FAT4: variants seen among roughly 807,000 people sequenced by gnomAD.
FAT4 encodes protocadherin Fat 4.
In FAT4, 84 loss-of-function variants were observed where a neutral mutation model predicts 303.9. The observed-to-expected ratio is 0.28, with a 90% CI of 0.23 to 0.33. FAT4 has a LOEUF of 0.33. Among genes scored for constraint, FAT4 ranks in the 10% least tolerant of loss-of-function variants. The pLI, the probability that FAT4 is intolerant of heterozygous loss-of-function variation, is 1.00. For missense variants in FAT4, 6,005 were observed against 6,146.8 expected, an observed-to-expected ratio of 0.98 and a Z score of 0.77; for synonymous variants, 2,307 against 2,298.8, an observed-to-expected ratio of 1.00 and a Z score of -0.10.
Position 125,406,996 on chromosome 4 carries a change from C to G in FAT4, c.5424C>G (p.Ser1808=), listed in dbSNP as rs200354953. Residue 1808 remains serine (S), a synonymous_variant, in exon 4 of 18, where the codon TCC becomes TCG. Coordinates refer to ENST00000394329, the MANE Select transcript of FAT4 (RefSeq NM_001291303.3). ...ATRRLDRERR[S]KYSLLVRADD... is the part of the protein sequence containing the mutation. ...GGCGGTTGGACAGGGAACGCCGCTC[C>G]AAATATTCACTGCTAGTTCGTGCTG... The G allele has an allele frequency of 1.3e-5, 21 of 1,613,818 alleles. No homozygotes were observed. The Admixed American group carries it at 1.3e-4, about 10-fold the overall frequency.
At chr4:125,381,815 A>C (rs1178789313) in intron 2 of FAT4, among the ~76,000 whole-genome samples, 4 of 152,210 alleles carry the variant, frequency 2.6e-5, no homozygotes, top group East Asian at 3.8e-4. Flanking sequence ...AACTGGAGTC[A>C]ATCCTCTCAA....
In FAT4 at chr4:125,319,867, T is replaced by C. The variant is rs1304008968; in HGVS notation, c.3456T>C (p.Ser1152=). 1.2e-6 allele frequency: 2 copies of C among 1,614,112 alleles called. No homozygotes were observed. Among genetic ancestry groups the C allele is most frequent in the Admixed American group, 1.7e-5 (1 of 60,024 alleles). The change falls in exon 2 of 18, where the codon AGT becomes AGC. Residue 1152 remains serine (S), a synonymous_variant. Coordinates refer to ENST00000394329, the MANE Select transcript of FAT4 (RefSeq NM_001291303.3). ...CAGATTTTGAGTTGCATGCCATCAG[T>C]GGGGAAATTACAAATACTCATCAGT... ...VQPDFELHAI[S]GEITNTHQFD...
At chr4:125,438,579 A>G (rs1225893962) in intron 8 of FAT4, among the ~76,000 whole-genome samples, 9 of 152,222 alleles carry the variant, frequency 5.9e-5, no homozygotes, top group Non-Finnish European at 1.0e-4. Flanking sequence ...ACTATCATAT[A>G]TTCAGTTAAA....
At chr4:125,462,253 T>C (rs1726509298) in intron 10 of FAT4, among the ~76,000 whole-genome samples, 1 of 151,930 alleles carries the variant, frequency 6.6e-6, no homozygotes, top group Non-Finnish European at 1.5e-5. Context: ...AAATTTTGAC[T>C]GTGTTTTAAG....
intron 5 of FAT4, among the ~76,000 whole-genome samples, chr4:125,409,411 C>T (rs926673793): frequency 1.3e-5 from 2 of 152,074 alleles, no homozygotes; most frequent in African/African-American, 4.8e-5. Flanking sequence ...CATGCACCAC[C>T]ACGCCTGGCT....
Position 125,415,698 on chromosome 4 carries a change from C to T in FAT4, c.6735C>T (p.Val2245=), listed in dbSNP as rs1225223501. The change falls in exon 6 of 18, where the codon GTC becomes GTT. Residue 2245 remains valine (V), a synonymous_variant. Transcript: ENST00000394329. Reference sequence around the variant, plus strand: ...CACCCAGAACTGATACCTCCACGGTCAGCATTGTTCTACTGGATATTAATG... The same window carrying T: ...CACCCAGAACTGATACCTCCACGGTTAGCATTGTTCTACTGGATATTAATG... ...GSTPRTDTST[V]SIVLLDINDF... 1 of 1,613,982 alleles carries T rather than the reference C, an allele frequency of 6.2e-7. No homozygotes were observed. The highest frequency in any genetic ancestry group is 2.2e-5 in the East Asian group (1 of 44,856).
At chr4:125,393,985 C>T in intron 2 of FAT4, 1 of 780,222 alleles carries the variant, frequency 1.3e-6, no homozygotes, top group East Asian at 2.4e-5. Flanking sequence ...CAACCATTAG[C>T]TGCAGCTGAA....
chr4:125,426,244 G>A (rs1725082571), intron 7 of FAT4, among the ~76,000 whole-genome samples: 2 of 151,888 alleles, frequency 1.3e-5, no homozygotes, highest in South Asian at 4.1e-4. Context: ...ATTATTTGTG[G>A]GAATGTATGA....
At chr4:125,357,247 A>G (rs1311775592) in intron 2 of FAT4, among the ~76,000 whole-genome samples, 1 of 152,116 alleles carries the variant, frequency 6.6e-6, no homozygotes, top group Non-Finnish European at 1.5e-5. Flanking sequence ...TAAAATGATA[A>G]ATACATTTTT....
chr4:125,470,917 G>C (rs973755833), intron 12 of FAT4, among the ~76,000 whole-genome samples: 1 of 152,148 alleles, frequency 6.6e-6, no homozygotes, highest in Non-Finnish European at 1.5e-5. Flanking sequence ...CTTGACTTTC[G>C]AAATGCCTTC....
At chr4:125,354,315 T>C (rs191124338) in intron 2 of FAT4, among the ~76,000 whole-genome samples, 4 of 151,930 alleles carry the variant, frequency 2.6e-5, no homozygotes, top group African/African-American at 9.6e-5. Context: ...CAACATGTAC[T>C]TTATTTGCTT....
Position 125,446,384 on chromosome 4 carries a change from G to A in FAT4, c.7291G>A (p.Asp2431Asn). The A allele has an allele frequency of 1.9e-6, 3 of 1,613,486 alleles. No homozygotes were observed. In the South Asian group the frequency reaches 3.3e-5, roughly 18 times the overall value. ...CGCATTGTTAGATAGGGAAACAAAA[G>A]ATAATTATACTTTGGTAGTGGTCTG... ...TSALLDRETK[D>N]NYTLVVVCSD... The change falls in exon 9 of 18, where the codon GAT becomes AAT. Residue 2431 changes from aspartate to asparagine, a missense_variant. Coordinates refer to ENST00000394329, the MANE Select transcript of FAT4 (RefSeq NM_001291303.3).
chr4:125,443,092 A>G (rs894935164), intron 8 of FAT4, among the ~76,000 whole-genome samples: 2 of 152,142 alleles, frequency 1.3e-5, no homozygotes, highest in African/African-American at 4.8e-5. Context: ...TCTCTTAACT[A>G]AATGATCATA....
intron 10 of FAT4, among the ~76,000 whole-genome samples, chr4:125,462,968 G>C (rs1726531703): frequency 6.6e-6 from 1 of 151,862 alleles, no homozygotes; most frequent in African/African-American, 2.4e-5. Context: ...ATGCTGTTTA[G>C]GTATTATCGC....
chr4:125,442,231 C>A, intron 8 of FAT4, among the ~76,000 whole-genome samples: 1 of 152,094 alleles, frequency 6.6e-6, no homozygotes, highest in East Asian at 1.9e-4. Flanking sequence ...TTATTTTAAT[C>A]ATTCCAGTCA....
chr4:125,414,209 C>T (rs1413037884), intron 5 of FAT4, among the ~76,000 whole-genome samples: 1 of 151,928 alleles, frequency 6.6e-6, no homozygotes, highest in Admixed American at 6.6e-5. Context: ...GATTTAGAAA[C>T]AATTTTTAAA....
chr4:125,479,176 T>A (rs1727136326), intron 14 of FAT4, among the ~76,000 whole-genome samples: 1 of 152,210 alleles, frequency 6.6e-6, no homozygotes, highest in South Asian at 2.1e-4. Context: ...ATTCACTGCC[T>A]AATCTAAAGA....
At chr4:125,362,904 C>T (rs1268505121) in intron 2 of FAT4, 1 of 151,890 alleles carries the variant, frequency 6.6e-6, no homozygotes, top group Non-Finnish European at 1.5e-5. Context: ...CCCCACCCCC[C>T]GACTACTGCA....
At chr4:125,445,274 G>T (rs1257993847) in intron 8 of FAT4, among the ~76,000 whole-genome samples, 1 of 152,052 alleles carries the variant, frequency 6.6e-6, no homozygotes, top group East Asian at 1.9e-4. Context: ...AAAAAATGCT[G>T]AAATATTTGT....
Sources: allele counts gnomAD v4.1 joint callset (sites outside exome capture counted in the v4.1 genomes callset), GRCh38; gene constraint gnomAD v4.1.1; transcripts MANE v1.5; gene names NCBI Gene and HGNC (gene_info 2026-07-23, HGNC 2026-07-21).